The following NYAP2 variants were observed in gnomAD, a reference collection of about 807,000 sequenced individuals.
NYAP2 encodes neuronal tyrosine-phosphorylated phosphoinositide-3-kinase adapter 2.
In NYAP2, 23 loss-of-function variants were observed where a neutral mutation model predicts 50.4. The observed-to-expected ratio is 0.46, with a 90% CI of 0.33 to 0.65. The LOEUF (loss-of-function observed/expected upper bound fraction) is 0.65. NYAP2 is among the 30% of genes least tolerant of loss of function. The probability of loss-of-function intolerance (pLI) is 0.02; values close to 1 mark genes in which losing one functional copy is unlikely to be tolerated. For synonymous variants in NYAP2, 394 were observed against 365.2 expected, an observed-to-expected ratio of 1.08 and a Z score of -0.90; for missense variants, 885 against 861.0, an observed-to-expected ratio of 1.03 and a Z score of -0.35.
chr2:225,655,225 A>G (rs1024521775), downstream of NYAP2, among the ~76,000 whole-genome samples: 2 of 152,224 alleles, frequency 1.3e-5, no homozygotes, highest in African/African-American at 4.8e-5. Context: ...CTCTGGAAAA[A>G]AGTATGAGTT....
chr2:225,579,094 GGA>G (rs34026452), intron 4 of NYAP2, among the ~76,000 whole-genome samples: 2,506 of 146,992 alleles, frequency 0.017, 28 homozygotes, highest in Non-Finnish European at 0.026. Flanking sequence ...AGAAGAGAGG[GGA>G]GAGAGAGAGA....
intron 4 of NYAP2, among the ~76,000 whole-genome samples, chr2:225,541,509 G>C (rs187317475): frequency 4.1e-4 from 63 of 152,220 alleles, no homozygotes; most frequent in African/African-American, 1.4e-3. Context: ...TTCTGCATAT[G>C]GATATCCCAT....
chr2:225,551,602 A>T (rs1691676185), intron 4 of NYAP2, among the ~76,000 whole-genome samples: 1 of 152,196 alleles, frequency 6.6e-6, no homozygotes, highest in Non-Finnish European at 1.5e-5. Flanking sequence ...TGTAATGTCT[A>T]TCCTTTGTAG....
intron 6 of NYAP2, among the ~76,000 whole-genome samples, chr2:225,627,467 G>C (rs1020560803): frequency 6.6e-6 from 1 of 152,130 alleles, no homozygotes. Flanking sequence ...GAGTAATTTA[G>C]AATTTATGCT....
chr2:225,510,420 C>T (rs566116015), intron 3 of NYAP2, among the ~76,000 whole-genome samples: 1 of 152,300 alleles, frequency 6.6e-6, no homozygotes, highest in South Asian at 2.1e-4. Flanking sequence ...TCTACACCCA[C>T]AGAGATTCTG....
At chr2:225,655,150 C>T (rs769132156), downstream of NYAP2, among the ~76,000 whole-genome samples, 3 of 152,098 alleles carry the variant, frequency 2.0e-5, no homozygotes, top group Non-Finnish European at 4.4e-5. Context: ...AGCAGACACA[C>T]GATCTGTAGA....
chr2:225,466,052 G>C (rs1574628989), intron 3 of NYAP2, among the ~76,000 whole-genome samples: 1 of 152,320 alleles, frequency 6.6e-6, no homozygotes, highest in South Asian at 2.1e-4. Context: ...AGGCCTGGCA[G>C]CCGGAACCAG....
chr2:225,588,494 T>A (rs1260675357), intron 5 of NYAP2, among the ~76,000 whole-genome samples: 1 of 152,168 alleles, frequency 6.6e-6, no homozygotes, highest in African/African-American at 2.4e-5. Context: ...GGTCCAGTGA[T>A]ACCTAAAACA....
chr2:225,564,717 T>A (rs1053154267), intron 4 of NYAP2, among the ~76,000 whole-genome samples: 6 of 152,108 alleles, frequency 3.9e-5, no homozygotes, highest in African/African-American at 1.4e-4. Context: ...TATCTGCATG[T>A]CCTCATAATG....
intron 3 of NYAP2, among the ~76,000 whole-genome samples, chr2:225,506,442 G>T (rs1690708536): frequency 6.6e-6 from 1 of 152,170 alleles, no homozygotes; most frequent in Non-Finnish European, 1.5e-5. Context: ...TTTGAGTTGA[G>T]GCATATTCCT....
chr2:225,551,194 G>T (rs1411114423), intron 4 of NYAP2, among the ~76,000 whole-genome samples: 1 of 152,166 alleles, frequency 6.6e-6, no homozygotes, highest in Non-Finnish European at 1.5e-5. Context: ...TTCACCTTCT[G>T]GTATCCTAGT....
intron 6 of NYAP2, among the ~76,000 whole-genome samples, chr2:225,638,366 G>A (rs531829633): frequency 3.9e-5 from 6 of 152,120 alleles, no homozygotes; most frequent in Non-Finnish European, 7.4e-5. Context: ...GAGGGATAGA[G>A]TGGAAGGAAA....
intron 5 of NYAP2, among the ~76,000 whole-genome samples, chr2:225,624,761 T>A (rs1398469103): frequency 6.6e-6 from 1 of 152,152 alleles, no homozygotes; most frequent in Non-Finnish European, 1.5e-5. Context: ...TCAAAATATT[T>A]TAAACTGTAG....
At chr2:225,408,705 A>G (rs1297603611) in intron 2 of NYAP2, among the ~76,000 whole-genome samples, 159 bp from the exon 3 acceptor site, 1 of 151,994 alleles carries the variant, frequency 6.6e-6, no homozygotes, top group East Asian at 1.9e-4. Flanking sequence ...CTTATTTAAT[A>G]TTTACTTCAA....
the NYAP2 span, among the ~76,000 whole-genome samples, chr2:225,666,186 T>G: frequency 6.6e-6 from 1 of 152,132 alleles, no homozygotes; most frequent in South Asian, 2.1e-4. Flanking sequence ...GCCAAATTGT[T>G]CACCCCATAT....
At chr2:225,580,528 C>G (rs1692253295) in intron 4 of NYAP2, among the ~76,000 whole-genome samples, 1 of 152,146 alleles carries the variant, frequency 6.6e-6, no homozygotes, top group African/African-American at 2.4e-5. Context: ...GAACCTTCCC[C>G]TCAAAAAGCT....
intron 3 of NYAP2, among the ~76,000 whole-genome samples, chr2:225,444,505 C>T (rs560729274): frequency 6.6e-6 from 1 of 152,296 alleles, no homozygotes; most frequent in Non-Finnish European, 1.5e-5. Context: ...TATACACACA[C>T]ATTCACACCA....
chr2:225,495,450 A>C (rs569772006), intron 3 of NYAP2, among the ~76,000 whole-genome samples: 3 of 152,278 alleles, frequency 2.0e-5, no homozygotes, highest in African/African-American at 7.2e-5. Flanking sequence ...CCCTCCATCT[A>C]AAGGAGGTCC....
intron 5 of NYAP2, among the ~76,000 whole-genome samples, chr2:225,595,442 C>A (rs1692579450): frequency 6.6e-6 from 1 of 152,224 alleles, no homozygotes; most frequent in African/African-American, 2.4e-5. Flanking sequence ...ATTTAAGTTA[C>A]ACATTCTGGA....
Sources: gnomAD v4.1 joint callset for allele counts (sites outside exome capture counted in the v4.1 genomes callset) on GRCh38, gnomAD v4.1.1 for gene constraint, MANE v1.5 for transcripts, NCBI Gene and HGNC (gene_info 2026-07-23, HGNC 2026-07-21) for gene names.